Variants in ZRANB3 observed in about 807,000 individuals in gnomAD.
The protein encoded by ZRANB3 is zinc finger RANBP2-type containing 3.
In ZRANB3, 125 loss-of-function variants were observed where a neutral mutation model predicts 133.8. That is an observed-to-expected ratio of 0.93 (90% CI 0.81 to 1.08). The LOEUF is 1.08. Among genes scored for constraint, ZRANB3 ranks in the 50% least tolerant of loss-of-function variants. ZRANB3 has a pLI of 0.00. For missense variants in ZRANB3, 1,229 were observed against 1,275.5 expected, an observed-to-expected ratio of 0.96 and a Z score of 0.56; for synonymous variants, 387 against 432.7, an observed-to-expected ratio of 0.89 and a Z score of 1.31.
chr2:135,200,754 T>A (rs1208717110), intron 20 of ZRANB3, among the ~76,000 whole-genome samples: 1 of 90,020 alleles, frequency 1.1e-5, no homozygotes, highest in Non-Finnish European at 1.9e-5. Flanking sequence ...AAGTGGGAGG[T>A]TTTTTTTTTT....
intron 3 of ZRANB3, among the ~76,000 whole-genome samples, chr2:135,367,195 G>A (rs1219143553): frequency 6.6e-6 from 1 of 152,202 alleles, no homozygotes; most frequent in African/African-American, 2.4e-5. Context: ...AGGCTCTGGA[G>A]TGGTGGCCCA....
At chr2:135,291,077 C>T (rs1681688285) in intron 8 of ZRANB3, among the ~76,000 whole-genome samples, 1 of 152,004 alleles carries the variant, frequency 6.6e-6, no homozygotes, top group Non-Finnish European at 1.5e-5. Context: ...GGCCAGGTTG[C>T]TCTTGAACTC....
intron 6 of ZRANB3, among the ~76,000 whole-genome samples, chr2:135,324,322 A>T (rs1291750740): frequency 1.3e-5 from 2 of 151,082 alleles, no homozygotes; most frequent in East Asian, 3.9e-4. Context: ...ATGAGTGAGA[A>T]TATGCGATGT....
chr2:135,272,123 C>A (rs1680546772), intron 9 of ZRANB3, among the ~76,000 whole-genome samples: 1 of 152,112 alleles, frequency 6.6e-6, no homozygotes, highest in African/African-American at 2.4e-5. Flanking sequence ...ATGTCTAATT[C>A]ATCTTTATCC....
At chr2:135,251,190 G>C (rs1448088085) in intron 12 of ZRANB3, among the ~76,000 whole-genome samples, 3 of 152,166 alleles carry the variant, frequency 2.0e-5, no homozygotes. Flanking sequence ...CATGGGCCCT[G>C]TATCCCCTTT....
intron 12 of ZRANB3, among the ~76,000 whole-genome samples, chr2:135,250,320 G>A (rs1157675945): frequency 6.6e-6 from 1 of 152,162 alleles, no homozygotes; most frequent in Non-Finnish European, 1.5e-5. Context: ...GTTTTATAAG[G>A]GAAGCAGAGC....
chr2:135,422,292 C>A (rs1448529319), intron 2 of ZRANB3, among the ~76,000 whole-genome samples: 1 of 152,102 alleles, frequency 6.6e-6, no homozygotes, highest in Non-Finnish European at 1.5e-5. Context: ...GAGGCTTTAT[C>A]CCCTACTACT....
chr2:135,271,258 T>C (rs1680503684), intron 10 of ZRANB3: 1 of 469,268 alleles, frequency 2.1e-6, no homozygotes, highest in South Asian at 1.6e-5. Context: ...AATTAAACTT[T>C]GTGTATTTAA....
At chr2:135,442,724 C>T (rs1025960688) in intron 2 of ZRANB3, among the ~76,000 whole-genome samples, 1 of 152,124 alleles carries the variant, frequency 6.6e-6, no homozygotes, top group South Asian at 2.1e-4. Flanking sequence ...ATAAATACTA[C>T]TACTATAAAG....
intron 1 of ZRANB3, among the ~76,000 whole-genome samples, chr2:135,514,395 T>C (rs1487515284): frequency 1.3e-5 from 2 of 152,198 alleles, no homozygotes; most frequent in African/African-American, 4.8e-5. Flanking sequence ...TTCATTCTCT[T>C]TGTAGCAATT....
intron 20 of ZRANB3, 199 bp downstream of exon 20, chr2:135,202,633 G>T (rs1693670863): frequency 2.0e-6 from 1 of 511,106 alleles, no homozygotes; most frequent in East Asian, 3.7e-5. Flanking sequence ...TAGAATGAAT[G>T]AAAAGGGAAG....
intron 11 of ZRANB3, among the ~76,000 whole-genome samples, chr2:135,267,333 C>T (rs775109264): frequency 6.7e-4 from 102 of 152,164 alleles, no homozygotes; most frequent in Admixed American, 1.2e-3. Flanking sequence ...TAGCTTAGGT[C>T]TCTCTTCCTC....
chr2:135,518,988 C>T (rs1010825809), intron 1 of ZRANB3, among the ~76,000 whole-genome samples: 1 of 152,086 alleles, frequency 6.6e-6, no homozygotes, highest in Non-Finnish European at 1.5e-5. Context: ...GTTTCTGTCC[C>T]TCAGATTAGG....
At chr2:135,414,618 C>A (rs1328622228) in intron 2 of ZRANB3, among the ~76,000 whole-genome samples, 1 of 152,178 alleles carries the variant, frequency 6.6e-6, no homozygotes, top group African/African-American at 2.4e-5. Flanking sequence ...TAGACAGCTA[C>A]AGAACTCTCC....
intron 2 of ZRANB3, among the ~76,000 whole-genome samples, chr2:135,491,203 T>A (rs1295650324): frequency 1.3e-5 from 2 of 152,172 alleles, no homozygotes; most frequent in Admixed American, 1.3e-4. Context: ...AAATAATACT[T>A]AACTATTTAA....
intron 2 of ZRANB3, among the ~76,000 whole-genome samples, chr2:135,461,833 CA>C (rs1179094298): frequency 6.6e-6 from 1 of 151,976 alleles, no homozygotes; most frequent in Non-Finnish European, 1.5e-5. Flanking sequence ...TCTTCACTAG[CA>C]AAATGGAAAA....
At chr2:135,202,697 T>C (rs555061380) in intron 20 of ZRANB3, 135 bp downstream of exon 20, 1 of 1,083,144 alleles carries the variant, frequency 9.2e-7, no homozygotes, top group African/African-American at 1.6e-5. Context: ...AAGTGTTGGG[T>C]GATGAAAGGA....
chr2:135,254,028 A>G lies in ZRANB3; in HGVS notation c.1539+11506T>C, dbSNP rs377028574. ...CATGGCAAGTGTGAGTTCCTCTCCA[A>G]CTGGTTACTGCTAAAGTTTTAGGCT... On this transcript the variant is annotated intron_variant, in intron 12 of 20. Transcript: ENST00000264159. 9.2e-5 allele frequency among the ~76,000 whole-genome samples: 14 copies of G among 152,270 alleles called. No individual in the cohort carries two copies. In the South Asian group the frequency reaches 2.9e-3, roughly 32 times the overall value.
chr2:135,414,888 G>A (rs1290362145), intron 2 of ZRANB3, among the ~76,000 whole-genome samples: 1 of 152,074 alleles, frequency 6.6e-6, no homozygotes, highest in Admixed American at 6.6e-5. Context: ...CAGAAATAAA[G>A]ATGTTCTTTG....
Sources: allele counts gnomAD v4.1 joint callset (sites outside exome capture counted in the v4.1 genomes callset), GRCh38; gene constraint gnomAD v4.1.1; transcripts MANE v1.5; gene names NCBI Gene and HGNC (gene_info 2026-07-23, HGNC 2026-07-21).